SUCNR1: variants seen among roughly 807,000 people sequenced by gnomAD.
SUCNR1 encodes G-protein coupled receptor 91.
SUCNR1 carries 5 observed loss-of-function variants against 2.4 expected under a neutral mutation model. That is an observed-to-expected ratio of 2.07 (90% confidence interval 1.08 to 4.36). SUCNR1 has a LOEUF of 4.36. Among genes scored for constraint, SUCNR1 ranks in the 30% most tolerant of loss-of-function variants. The pLI, the probability that SUCNR1 is intolerant of heterozygous loss-of-function variation, is 0.00. For synonymous variants in SUCNR1, 162 were observed against 143.9 expected (o/e 1.13, Z -0.90); for missense variants, 373 against 399.2 (o/e 0.93, Z 0.56).
chr3:151,877,771 T>C (rs1447191156), intron 1 of SUCNR1, among the ~76,000 whole-genome samples: 1 of 152,128 alleles, frequency 6.6e-6, no homozygotes, highest in Admixed American at 6.6e-5. Flanking sequence ...TAAACAATTA[T>C]AGTTTGTAAG....
At chr3:151,880,023 C>T (rs556585980) in intron 2 of SUCNR1, 116 bp downstream of exon 2, 3 of 608,514 alleles carry the variant, frequency 4.9e-6, no homozygotes, top group South Asian at 6.3e-5. Flanking sequence ...CACCTTAATG[C>T]CTTCACATGT....
Position 151,881,220 on chromosome 3 carries a change from C to T in SUCNR1, c.677C>T (p.Pro226Leu), listed in dbSNP as rs747651058. ...QRNRQVATAL[P>L]LEKPLNLVIM... is the part of the protein sequence containing the mutation. Reference sequence around the variant, plus strand: ...AATAGGCAGGTTGCTACTGCTCTGCCCCTTGAAAAGCCTCTCAACTTGGTC... The same window carrying T: ...AATAGGCAGGTTGCTACTGCTCTGCTCCTTGAAAAGCCTCTCAACTTGGTC... The change falls in exon 3 of 3, where the codon CCC (proline) becomes CTC (leucine). Residue 226 changes from proline (P) to leucine (L), a missense_variant. Physicochemically the swap from Pro to Leu is moderately conservative, Grantham distance 98. Transcript: ENST00000362032. The T allele has an allele frequency of 6.2e-7, 1 of 1,614,104 alleles. No homozygotes were observed. The highest frequency in any genetic ancestry group is 1.1e-5 in the South Asian group (1 of 91,074).
In SUCNR1 at chr3:151,881,181, TC is replaced by T; in HGVS notation, c.640del (p.Leu214Ter). 6.2e-7 allele frequency: 1 copy of T among 1,614,172 alleles called. No individual in the cohort carries two copies. The highest frequency in any genetic ancestry group is 8.5e-7 in the Non-Finnish European group (1 of 1,180,026). ...TTCTTTTATTACAAGATTGCTCTCT[TC>T]CTAAAGCAGAGGAATAGGCAGGTTG... ...MCFFYYKIAL[F>X]LKQRNRQVAT... On this transcript the variant is annotated frameshift_variant, in exon 3 of 3. Transcript: ENST00000362032. LOFTEE classifies it low-confidence loss of function (END_TRUNC).
intron 2 of SUCNR1, 62 bp from the exon 3 acceptor site, chr3:151,880,497 C>A: frequency 8.3e-7 from 1 of 1,206,482 alleles, no homozygotes; most frequent in South Asian, 1.5e-5. Context: ...TTATGTTCTG[C>A]ACAGTTTTGT....
chr3:151,878,717 C>G, intron 1 of SUCNR1, among the ~76,000 whole-genome samples: 1 of 151,928 alleles, frequency 6.6e-6, no homozygotes, highest in Non-Finnish European at 1.5e-5. Context: ...TAGAGAGATT[C>G]GAGAGACTCC....
At chr3:151,880,047 C>A (rs947750515) in intron 2 of SUCNR1, 140 bp downstream of exon 2, 2 of 485,590 alleles carry the variant, frequency 4.1e-6, no homozygotes, top group Admixed American at 8.0e-5. Flanking sequence ...CTTTCTTATG[C>A]CTGGAACACT....
chr3:151,878,906 T>C (rs1718000717), intron 1 of SUCNR1, among the ~76,000 whole-genome samples: 1 of 152,202 alleles, frequency 6.6e-6, no homozygotes, highest in South Asian at 2.1e-4. Flanking sequence ...AGATGCCTTA[T>C]CATAGCAAAT....
At position 151,880,887 on chromosome 3, in the gene SUCNR1, T is replaced by TTA; in HGVS notation, c.346_347dup (p.Ile118AlafsTer2). 1.2e-6 allele frequency: 2 copies of TTA among 1,614,156 alleles called. No homozygotes were observed. Among genetic ancestry groups the TTA allele is most frequent in the Non-Finnish European group, 1.7e-6 (2 of 1,180,018 alleles). ...TATACCAGCATTCTCTTTCTCACTT[T>TTA]TATCAGCATAGATCGATACTTGATA... is the stretch of plus-strand genomic sequence containing the variant. On this transcript the variant is annotated frameshift_variant, in exon 3 of 3. Coordinates refer to ENST00000362032, the MANE Select transcript of SUCNR1 (RefSeq NM_033050.6). LOFTEE classifies it low-confidence loss of function (END_TRUNC).
chr3:151,881,207 G>A lies in SUCNR1; in HGVS notation c.664G>A (p.Ala222Thr). 6.2e-7 allele frequency: 1 copy of A among 1,614,162 alleles called. No individual in the cohort carries two copies. The change falls in exon 3 of 3, where the codon GCT (alanine) becomes ACT (threonine). Residue 222 changes from alanine (A) to threonine (T), a missense_variant. Physicochemically the swap from Ala to Thr is moderately conservative, Grantham distance 58. Transcript: ENST00000362032. ...LFLKQRNRQV[A>T]TALPLEKPLN... ...CCTAAAGCAGAGGAATAGGCAGGTT[G>A]CTACTGCTCTGCCCCTTGAAAAGCC...
Position 151,881,537 on chromosome 3 carries a change from A to G in SUCNR1, c.994A>G (p.Arg332Gly), listed in dbSNP as rs1268493593. The G allele has an allele frequency of 4.4e-6, 7 of 1,594,078 alleles. No homozygotes were observed. The highest frequency in any genetic ancestry group is 6.0e-6 in the Non-Finnish European group (7 of 1,173,006). Residue 332 changes from arginine (R) to glycine (G), a missense_variant, in exon 3 of 3, where the codon AGA becomes GGA. Physicochemically the swap from Arg to Gly is moderately radical, Grantham distance 125. Coordinates refer to ENST00000362032, the MANE Select transcript of SUCNR1 (RefSeq NM_033050.6). ...RWAHELLLSF[R>G]EK is the part of the protein sequence containing the mutation. ...GGCTCATGAACTCCTACTTTCATTC[A>G]GAGAAAAGTGAGGGGCTTGTGAAAC...
chr3:151,879,480 C>T (rs1354160104), intron 1 of SUCNR1, among the ~76,000 whole-genome samples: 1 of 152,088 alleles, frequency 6.6e-6, no homozygotes, highest in African/African-American at 2.4e-5. Context: ...CTGCCTTGCC[C>T]CTTCTGAAAT....
At chr3:151,877,669 G>A (rs1034962296) in intron 1 of SUCNR1, among the ~76,000 whole-genome samples, 1 of 152,140 alleles carries the variant, frequency 6.6e-6, no homozygotes, top group Non-Finnish European at 1.5e-5. Flanking sequence ...ACTGAAATTG[G>A]TGGATATGCT....
chr3:151,880,048 C>T (rs1718041429), intron 2 of SUCNR1, 141 bp downstream of exon 2: 1 of 484,568 alleles, frequency 2.1e-6, no homozygotes, highest in Non-Finnish European at 3.6e-6. Flanking sequence ...TTTCTTATGC[C>T]TGGAACACTT....
intron 1 of SUCNR1, among the ~76,000 whole-genome samples, chr3:151,878,718 G>A (rs1024147898): frequency 6.6e-6 from 1 of 152,042 alleles, no homozygotes; most frequent in African/African-American, 2.4e-5. Flanking sequence ...AGAGAGATTC[G>A]AGAGACTCCG....
intron 1 of SUCNR1, among the ~76,000 whole-genome samples, chr3:151,874,082 A>T (rs986983586): frequency 2.2e-5 from 2 of 91,826 alleles, no homozygotes; most frequent in African/African-American, 1.4e-4. Context: ...TATTTGATAC[A>T]TACACACACA....
chr3:151,876,940 A>G (rs1717940783), intron 1 of SUCNR1, among the ~76,000 whole-genome samples: 1 of 152,200 alleles, frequency 6.6e-6, no homozygotes. Context: ...ATAAAAAATG[A>G]GTAAGACAAA....
chr3:151,875,921 G>A (rs1405507236), intron 1 of SUCNR1, among the ~76,000 whole-genome samples: 1 of 152,146 alleles, frequency 6.6e-6, no homozygotes, highest in Non-Finnish European at 1.5e-5. Flanking sequence ...AGGAAATCAG[G>A]CTCTAGTTGC....
intron 1 of SUCNR1, among the ~76,000 whole-genome samples, chr3:151,878,182 C>G (rs1230456361): frequency 6.6e-6 from 1 of 152,084 alleles, no homozygotes; most frequent in East Asian, 1.9e-4. Context: ...GTCGAGATGT[C>G]AAAACACTTA....
intron 1 of SUCNR1, among the ~76,000 whole-genome samples, chr3:151,874,679 C>T (rs559325856): frequency 3.3e-5 from 5 of 152,078 alleles, no homozygotes; most frequent in Non-Finnish European, 7.4e-5. Context: ...GAAGTTAATA[C>T]ACAATTTGTG....
Sources: allele counts gnomAD v4.1 joint callset (sites outside exome capture counted in the v4.1 genomes callset), GRCh38; gene constraint gnomAD v4.1.1; transcripts MANE v1.5; gene names NCBI Gene and HGNC (gene_info 2026-07-23, HGNC 2026-07-21).